Variants in ATG16L1 observed in about 807,000 individuals in gnomAD.
The protein encoded by ATG16L1 is autophagy-related protein 16-1.
In ATG16L1, 37 loss-of-function variants were observed where a neutral mutation model predicts 88.5. That is an observed-to-expected ratio of 0.42 (90% CI 0.32 to 0.55). The LOEUF (loss-of-function observed/expected upper bound fraction) is 0.55, where lower values mean the gene tolerates loss of function less well. Ranked by LOEUF, ATG16L1 falls within the 20% of genes least tolerant of loss-of-function variation. The pLI is 0.13. For synonymous variants in ATG16L1, 301 were observed against 281.0 expected, an observed-to-expected ratio of 1.07 and a Z score of -0.71; for missense variants, 554 against 752.8, an observed-to-expected ratio of 0.74 and a Z score of 3.09.
At position 233,272,936 on chromosome 2, in the gene ATG16L1, A is replaced by T. The variant is rs113292013; in HGVS notation, c.708-30A>T. On this transcript the variant is annotated intron_variant, in intron 6 of 17. Coordinates refer to ENST00000392017, the MANE Select transcript of ATG16L1 (RefSeq NM_030803.7). The stretch of plus-strand genomic sequence containing the variant: ...GATTAATCACAGAACTGTTCAGGAG[A>T]ATCAAAGAATGTCTTGCCTTTCTTT... 13 of 1,578,932 alleles carry T rather than the reference A, an allele frequency of 8.2e-6. 1 individual carries two copies. Among genetic ancestry groups the T allele is most frequent in the African/African-American group, 6.7e-5 (5 of 74,356 alleles).
intron 8 of ATG16L1, 170 bp from the exon 9 acceptor site, chr2:233,274,506 T>G: frequency 1.9e-6 from 1 of 520,214 alleles, no homozygotes; most frequent in East Asian, 3.1e-5. Flanking sequence ...TGAGTGAGGG[T>G]GCTTTTGATT....
chr2:233,289,408 T>TGTGTGTGTGTGTGTGTGA (rs144316394), intron 12 of ATG16L1, among the ~76,000 whole-genome samples: 35 of 149,650 alleles, frequency 2.3e-4, no homozygotes, highest in South Asian at 6.4e-4. Flanking sequence ...TGTGTGTGTG[T>TGTGTGTGTGTGTGTGTGA]GACAGGATCT....
intron 6 of ATG16L1, among the ~76,000 whole-genome samples, chr2:233,271,171 G>T (rs373129239): frequency 1.4e-4 from 22 of 152,198 alleles, no homozygotes; most frequent in African/African-American, 4.8e-4. Flanking sequence ...TGCATAACCG[G>T]GTTGACTGGG....
chr2:233,273,652 G>A (rs1356457524), intron 7 of ATG16L1, 69 bp from the exon 8 acceptor site: 34 of 1,442,184 alleles, frequency 2.4e-5, no homozygotes, highest in Non-Finnish European at 1.9e-6. Flanking sequence ...GTTTTTGTGG[G>A]CTGTTTATTG....
At chr2:233,265,766 C>T (rs1697525328) in intron 5 of ATG16L1, among the ~76,000 whole-genome samples, 1 of 152,110 alleles carries the variant, frequency 6.6e-6, no homozygotes, top group Admixed American at 6.6e-5. Flanking sequence ...CACCGCCTGG[C>T]CATTGATAGA....
At chr2:233,275,338 A>G (rs543308125) in intron 9 of ATG16L1, 2 of 220,602 alleles carry the variant, frequency 9.1e-6, no homozygotes, top group Non-Finnish European at 1.8e-5. Flanking sequence ...CAGAAATTGA[A>G]CCAGCCTGGG....
chr2:233,261,660 G>A lies in ATG16L1; in HGVS notation c.210-1470G>A, dbSNP rs1010823807. ...GGGGGCAGTTCTTTCCGCTCTCATC[G>A]GATGTTGGATGAGAGGAACAAGTGT... On this transcript the variant is annotated intron_variant, in intron 2 of 17. Coordinates refer to ENST00000392017, the MANE Select transcript of ATG16L1 (RefSeq NM_030803.7). 7.0e-5 allele frequency among the ~76,000 whole-genome samples: 8 copies of A among 114,580 alleles called. No individual in the cohort carries two copies. The South Asian group carries it at 1.6e-3, about 22-fold the overall frequency. 75.2% of individuals were successfully genotyped at this position (114,580 alleles called of 152,430 possible).
intron 5 of ATG16L1, among the ~76,000 whole-genome samples, chr2:233,268,330 G>T (rs540055453): frequency 3.3e-4 from 50 of 152,296 alleles, no homozygotes; most frequent in Non-Finnish European, 5.7e-4. Flanking sequence ...GTAGTGGCAG[G>T]TGGCTGTAAT....
Position 233,263,087 on chromosome 2 carries a change from G to A in ATG16L1, c.210-43G>A, listed in dbSNP as rs765891365. On this transcript the variant is annotated intron_variant, in intron 2 of 17. Transcript: ENST00000392017. ...TTTGGAGTCTCATTTTTCCCCCTCC[G>A]TTTTTTGCACATTCTCTTCATCTGC... 2.7e-5 allele frequency: 43 copies of A among 1,565,994 alleles called. 1 individual carries two copies. The South Asian group carries it at 3.7e-4, about 14-fold the overall frequency.
At chr2:233,270,141 T>A (rs908222159) in intron 6 of ATG16L1, 74 bp downstream of exon 6, 50 of 1,459,452 alleles carry the variant, frequency 3.4e-5, no homozygotes, top group East Asian at 2.2e-4. Flanking sequence ...TTTTATTTTT[T>A]TTTTTGTTTG....
chr2:233,253,020 C>A (rs1336367625), intron 1 of ATG16L1, among the ~76,000 whole-genome samples: 1 of 152,130 alleles, frequency 6.6e-6, no homozygotes, highest in East Asian at 1.9e-4. Context: ...AATTACAAAT[C>A]CCAAGCCACA....
intron 2 of ATG16L1, among the ~76,000 whole-genome samples, chr2:233,259,973 T>G (rs1697094150): frequency 6.6e-6 from 1 of 152,092 alleles, no homozygotes. Context: ...TAGAGATGAG[T>G]AAGCCAGAGT....
chr2:233,274,332 C>G, intron 8 of ATG16L1: 1 of 470,538 alleles, frequency 2.1e-6, no homozygotes, highest in Non-Finnish European at 3.8e-6. Context: ...CAAAAAAGAC[C>G]AAAGAGCTAC....
intron 14 of ATG16L1, 151 bp from the exon 15 acceptor site, chr2:233,291,977 G>A: frequency 1.2e-6 from 1 of 844,224 alleles, no homozygotes; most frequent in South Asian, 1.7e-5. Context: ...AAGAAAAGCA[G>A]TCACAGGTTA....
rs1697337051 is a variant in ATG16L1 at position 233,263,205 on chromosome 2, A to G, written c.285A>G (p.Glu95=). 1.9e-6 allele frequency: 3 copies of G among 1,613,992 alleles called. No homozygotes were observed. The highest frequency in any genetic ancestry group is 1.3e-5 in the African/African-American group (1 of 74,934). The change falls in exon 3 of 18, where the codon GAA becomes GAG. Residue 95 remains glutamate, a synonymous_variant. Coordinates refer to ENST00000392017, the MANE Select transcript of ATG16L1 (RefSeq NM_030803.7). ...MAQLRIKHQE[E]LTELHKKRGE... The stretch of plus-strand genomic sequence containing the variant: ...AACTGAGGATTAAGCACCAAGAGGA[A>G]CTGACTGAATTACACAAGAAACGTG...
At chr2:233,254,969 G>GTTTATTTATTTATTTA (rs36078120) in intron 1 of ATG16L1, among the ~76,000 whole-genome samples, 1 of 150,220 alleles carries the variant, frequency 6.7e-6, no homozygotes, top group African/African-American at 2.5e-5. Flanking sequence ...CATTTCATTT[G>GTTTATTTATTTATTTA]TTTATTTATT....
chr2:233,288,752 T>A (rs1699251887), intron 12 of ATG16L1: 1 of 518,730 alleles, frequency 1.9e-6, no homozygotes, highest in African/African-American at 1.9e-5. Context: ...CTGCCTCTCC[T>A]CCATCGCACT....
At chr2:233,252,112 C>T (rs1484018229) in intron 1 of ATG16L1, among the ~76,000 whole-genome samples, 170 bp downstream of exon 1, 4 of 152,222 alleles carry the variant, frequency 2.6e-5, no homozygotes, top group African/African-American at 9.6e-5. Context: ...TTTTTCTAAC[C>T]TGCGTTTTAT....
At chr2:233,273,310 G>C in intron 7 of ATG16L1, 1 of 518,828 alleles carries the variant, frequency 1.9e-6, no homozygotes, top group South Asian at 2.6e-5. Context: ...TATGGACAGT[G>C]AAACCTTATT....
Sources: gnomAD v4.1 joint callset for allele counts (sites outside exome capture counted in the v4.1 genomes callset) on GRCh38, gnomAD v4.1.1 for gene constraint, MANE v1.5 for transcripts, NCBI Gene and HGNC (gene_info 2026-07-23, HGNC 2026-07-21) for gene names.